ADAMTSL1: variants seen among roughly 807,000 people sequenced by gnomAD.
The protein encoded by ADAMTSL1 is ADAMTS like 1, also known as ADAMTS-like protein 1.
A neutral mutation model predicts 201.8 loss-of-function variants in ADAMTSL1; 126 were observed. That is an observed-to-expected ratio of 0.62 (90% CI 0.54 to 0.72). The LOEUF (loss-of-function observed/expected upper bound fraction) is 0.72. Among genes scored for constraint, ADAMTSL1 ranks in the 30% least tolerant of loss-of-function variants. The pLI, the probability that ADAMTSL1 is intolerant of heterozygous loss-of-function variation, is 0.00. For synonymous variants in ADAMTSL1, 1,121 were observed against 903.4 expected (o/e 1.24, Z -4.32); for missense variants, 2,679 against 2,277.8 (o/e 1.18, Z -3.59).
chr9:18,639,439 C>G, intron 7 of ADAMTSL1, 28 bp downstream of exon 7: 1 of 1,597,180 alleles, frequency 6.3e-7, no homozygotes, highest in Non-Finnish European at 8.5e-7. Flanking sequence ...ACCTCCTTTT[C>G]AAGCCACATC....
chr9:18,703,052 G>A lies in ADAMTSL1; in HGVS notation c.1575-3695G>A, dbSNP rs979150161. Among the ~76,000 whole-genome samples, 16 of 152,016 alleles carry A rather than the reference G, an allele frequency of 1.1e-4. 1 individual carries two copies. The highest frequency in any genetic ancestry group is 6.6e-4 in the Admixed American group (10 of 15,252). On this transcript the variant is annotated intron_variant, in intron 13 of 28. Coordinates refer to ENST00000380548, the MANE Select transcript of ADAMTSL1 (RefSeq NM_001040272.6). Reference sequence around the variant, plus strand: ...GCTGGGATCCCAGGCGTGAGTGCCCGGCCGACAAGAAGAATTTTTAAACTT... The same window carrying A: ...GCTGGGATCCCAGGCGTGAGTGCCCAGCCGACAAGAAGAATTTTTAAACTT...
intron 20 of ADAMTSL1, among the ~76,000 whole-genome samples, chr9:18,809,069 T>C (rs751760186): frequency 6.6e-6 from 1 of 152,226 alleles, no homozygotes; most frequent in Non-Finnish European, 1.5e-5. Flanking sequence ...ACAAGAGAGA[T>C]GTGATCTCTG....
intron 1 of ADAMTSL1, among the ~76,000 whole-genome samples, chr9:18,057,326 T>G (rs1481347103): frequency 1.3e-5 from 2 of 152,202 alleles, no homozygotes; most frequent in African/African-American, 4.8e-5. Context: ...CCTATCTAAT[T>G]CATTTTGGGG....
intron 2 of ADAMTSL1, among the ~76,000 whole-genome samples, chr9:18,185,074 C>G (rs746163205): frequency 1.3e-5 from 2 of 152,118 alleles, no homozygotes; most frequent in East Asian, 1.9e-4. Flanking sequence ...TATTTAATCT[C>G]TATGGCTCAA....
At chr9:18,826,092 G>C in intron 21 of ADAMTSL1, 192 bp from the exon 22 acceptor site, 1 of 642,590 alleles carries the variant, frequency 1.6e-6, no homozygotes, top group Non-Finnish European at 2.7e-6. Context: ...CTGATTCTTT[G>C]GTCACCCTGA....
chr9:18,303,872 C>T (rs972405062), intron 2 of ADAMTSL1, among the ~76,000 whole-genome samples: 4 of 152,096 alleles, frequency 2.6e-5, no homozygotes, highest in Non-Finnish European at 5.9e-5. Flanking sequence ...CTTCTGCACC[C>T]TGCTATGCTG....
intron 2 of ADAMTSL1, among the ~76,000 whole-genome samples, chr9:18,251,819 T>C (rs918209094): frequency 5.3e-5 from 8 of 152,224 alleles, no homozygotes; most frequent in Admixed American, 3.3e-4. Flanking sequence ...GTTTCAAATA[T>C]ATGTGAGAAA....
At chr9:18,808,919 T>C (rs1823329603) in intron 20 of ADAMTSL1, among the ~76,000 whole-genome samples, 1 of 152,222 alleles carries the variant, frequency 6.6e-6, no homozygotes, top group African/African-American at 2.4e-5. Context: ...AAGATAGTAC[T>C]GTTGTTTCTG....
chr9:17,998,208 C>T (rs974822465), intron 1 of ADAMTSL1, among the ~76,000 whole-genome samples: 1 of 151,962 alleles, frequency 6.6e-6, no homozygotes, highest in Non-Finnish European at 1.5e-5. Context: ...TGCACACATA[C>T]CTACGCATGT....
chr9:18,092,389 A>G (rs1249061994), intron 1 of ADAMTSL1, among the ~76,000 whole-genome samples: 1 of 152,206 alleles, frequency 6.6e-6, no homozygotes, highest in Non-Finnish European at 1.5e-5. Flanking sequence ...TATCAGGCAG[A>G]GAAAATGATT....
intron 2 of ADAMTSL1, among the ~76,000 whole-genome samples, chr9:18,323,609 A>G (rs371448268): frequency 2.9e-4 from 44 of 152,282 alleles, no homozygotes; most frequent in African/African-American, 1.0e-3. Flanking sequence ...TTATTGTCCT[A>G]AATCATCCAC....
chr9:18,541,532 A>G (rs891467041), intron 3 of ADAMTSL1, among the ~76,000 whole-genome samples: 1 of 151,646 alleles, frequency 6.6e-6, no homozygotes, highest in Non-Finnish European at 1.5e-5. Flanking sequence ...AAAAAAATTT[A>G]TGGGTGGGAG....
intron 2 of ADAMTSL1, among the ~76,000 whole-genome samples, chr9:18,465,275 G>A (rs892464846): frequency 2.0e-5 from 3 of 152,196 alleles, no homozygotes; most frequent in East Asian, 1.9e-4. Context: ...GGCCCGTTCC[G>A]TTAATAGTTT....
chr9:18,807,394 C>G (rs1823206523), intron 20 of ADAMTSL1, among the ~76,000 whole-genome samples: 1 of 152,192 alleles, frequency 6.6e-6, no homozygotes, highest in African/African-American at 2.4e-5. Context: ...CCTGAAATCC[C>G]AGCACTCTGG....
intron 26 of ADAMTSL1, among the ~76,000 whole-genome samples, chr9:18,895,206 G>A (rs1465640190): frequency 6.6e-6 from 1 of 152,170 alleles, no homozygotes; most frequent in Non-Finnish European, 1.5e-5. Flanking sequence ...AGAATTCCCA[G>A]TGTAGTCAAG....
At chr9:18,414,460 A>T (rs1478169908) in intron 2 of ADAMTSL1, among the ~76,000 whole-genome samples, 1 of 152,218 alleles carries the variant, frequency 6.6e-6, no homozygotes, top group Non-Finnish European at 1.5e-5. Flanking sequence ...AGTAACAGAG[A>T]CCAATTTACA....
At chr9:18,084,601 G>A (rs1438845176) in intron 1 of ADAMTSL1, among the ~76,000 whole-genome samples, 2 of 151,914 alleles carry the variant, frequency 1.3e-5, no homozygotes, top group African/African-American at 4.8e-5. Context: ...TTAATTCATA[G>A]TCACCTCTGA....
At chr9:18,206,174 C>T (rs1378725900) in intron 2 of ADAMTSL1, among the ~76,000 whole-genome samples, 1 of 150,918 alleles carries the variant, frequency 6.6e-6, no homozygotes, top group African/African-American at 2.4e-5. Flanking sequence ...CTTTTCATTG[C>T]AGAAGCCCAA....
rs1487116800 is a variant in ADAMTSL1 at position 18,776,956 on chromosome 9, C to T, written c.2727C>T (p.Ile909=). 2.5e-6 allele frequency: 4 copies of T among 1,598,918 alleles called. No homozygotes were observed. Among genetic ancestry groups the T allele is most frequent in the Non-Finnish European group, 3.4e-6 (4 of 1,171,706 alleles). ...CGCGCAGGGTCCGCAAGCCCCTCAT[C>T]ACCTGGGAGAAGGACGGCCAGCACC... ...CPARRVRKPL[I]TWEKDGQHLI... The change falls in exon 19 of 29, where the codon ATC becomes ATT. Residue 909 remains isoleucine (I), a synonymous_variant. Transcript: ENST00000380548.
Sources: allele counts gnomAD v4.1 joint callset (sites outside exome capture counted in the v4.1 genomes callset), GRCh38; gene constraint gnomAD v4.1.1; transcripts MANE v1.5; gene names NCBI Gene and HGNC (gene_info 2026-07-23, HGNC 2026-07-21).